The following PPHLN1 variants were observed in gnomAD, a reference collection of about 807,000 sequenced individuals.
PPHLN1 encodes periphilin 1, also known as periphilin-1.
Under a neutral mutation model 51.3 loss-of-function variants are expected in PPHLN1, and 29 were observed. The ratio of observed to expected loss-of-function variants is 0.57; its 90% CI spans 0.42 to 0.77. The LOEUF (loss-of-function observed/expected upper bound fraction) is 0.77. PPHLN1 is among the 30% of genes least tolerant of loss of function. The probability of loss-of-function intolerance (pLI) is 0.00; values close to 1 mark genes in which losing one functional copy is unlikely to be tolerated. For synonymous variants in PPHLN1, 147 were observed against 147.8 expected, an observed-to-expected ratio of 0.99 and a Z score of 0.04; for missense variants, 436 against 438.4, an observed-to-expected ratio of 0.99 and a Z score of 0.05.
rs141040928 is a variant in PPHLN1 at position 42,384,969 on chromosome 12, C to T, written c.541C>T (p.Arg181Trp). The T allele has an allele frequency of 3.1e-4, 502 of 1,612,350 alleles. 1 individual carries two copies. In the African/African-American group the frequency reaches 5.6e-3, roughly 18 times the overall value. ...CGTGCGTCCTGGTGCCTCCTACAAA[C>T]GGCAGAATGAAGGAAATCCTGAAAG... ...KSVRPGASYK[R>W]QNEGNPERDK... Residue 181 changes from arginine (R) to tryptophan (W), a missense_variant, in exon 6 of 10, where the codon CGG becomes TGG. By Grantham distance (101) the Arg-to-Trp change is moderately radical. Transcript: ENST00000358314.
At chr12:42,442,737 A>G (rs147250698), downstream of PPHLN1, 39 of 1,613,214 alleles carry the variant, frequency 2.4e-5, no homozygotes, top group African/African-American at 3.2e-4. Flanking sequence ...GAGACTGCGC[A>G]GTCAGTAAGT....
intron 4 of PPHLN1, among the ~76,000 whole-genome samples, chr12:42,364,634 TA>T (rs1352212622): frequency 6.6e-6 from 1 of 151,794 alleles, no homozygotes; most frequent in African/African-American, 2.4e-5. Context: ...AAAAAATTTT[TA>T]AAAAGGCCAG....
At chr12:42,427,781 C>CT (rs1421064359) in intron 9 of PPHLN1, among the ~76,000 whole-genome samples, 1 of 152,118 alleles carries the variant, frequency 6.6e-6, no homozygotes, top group Non-Finnish European at 1.5e-5. Context: ...AACTAAAGAG[C>CT]TTTTACACAG....
chr12:42,435,175 C>G (rs1030385487), intron 9 of PPHLN1, among the ~76,000 whole-genome samples: 3 of 152,092 alleles, frequency 2.0e-5, no homozygotes, highest in African/African-American at 7.2e-5. Flanking sequence ...AAGGATTAAT[C>G]TTTGGTTGAA....
chr12:42,443,063 G>T, downstream of PPHLN1: 21 of 216,656 alleles, frequency 9.7e-5, no homozygotes, highest in South Asian at 5.3e-4. Context: ...CCTTAGTTAA[G>T]GCTACTTTGG....
intron 4 of PPHLN1, 49 bp downstream of exon 4, chr12:42,355,271 G>A (rs1046571284): frequency 5.4e-6 from 8 of 1,477,206 alleles, no homozygotes; most frequent in East Asian, 2.3e-5. Flanking sequence ...TTGACTCACT[G>A]TGATGTCTGC....
At chr12:42,415,565 A>G (rs2080301433) in intron 9 of PPHLN1, among the ~76,000 whole-genome samples, 2 of 152,086 alleles carry the variant, frequency 1.3e-5, no homozygotes, top group Admixed American at 1.3e-4. Flanking sequence ...CTCAGATCCA[A>G]CTCACTCTTA....
intron 9 of PPHLN1, among the ~76,000 whole-genome samples, chr12:42,410,237 G>A (rs953645918): frequency 1.3e-5 from 2 of 151,756 alleles, no homozygotes; most frequent in Non-Finnish European, 2.9e-5. Context: ...AGGACCCCAT[G>A]TAAAGCAAAA....
At chr12:42,412,397 T>A (rs985910210) in intron 9 of PPHLN1, among the ~76,000 whole-genome samples, 11 of 151,474 alleles carry the variant, frequency 7.3e-5, no homozygotes, top group South Asian at 2.1e-4. Context: ...TCCAGCTCTA[T>A]CAGAATTGCT....
intron 2 of PPHLN1, among the ~76,000 whole-genome samples, chr12:42,349,698 A>G (rs1314396284): frequency 5.9e-5 from 9 of 151,862 alleles, no homozygotes; most frequent in Non-Finnish European, 1.3e-4. Context: ...GACACAGCAC[A>G]TGTTTCAGAG....
chr12:42,372,690 AG>A (rs1484688795), intron 4 of PPHLN1, among the ~76,000 whole-genome samples: 2 of 152,056 alleles, frequency 1.3e-5, no homozygotes, highest in African/African-American at 4.8e-5. Context: ...CCAGGCTTTA[AG>A]TACTGCCTAT....
intron 1 of PPHLN1, among the ~76,000 whole-genome samples, chr12:42,326,522 T>A (rs932071186): frequency 6.6e-6 from 1 of 152,184 alleles, no homozygotes; most frequent in Non-Finnish European, 1.5e-5. Flanking sequence ...GTAATTTTAC[T>A]GAAGGTGTTC....
At chr12:42,383,979 G>C (rs1262401287) in intron 5 of PPHLN1, among the ~76,000 whole-genome samples, 1 of 64,962 alleles carries the variant, frequency 1.5e-5, no homozygotes, top group African/African-American at 5.4e-5. Flanking sequence ...GTGAGACTGT[G>C]TCTCAAAAAA....
intron 4 of PPHLN1, among the ~76,000 whole-genome samples, chr12:42,367,746 G>A (rs1305175944): frequency 1.3e-5 from 2 of 152,042 alleles, no homozygotes; most frequent in East Asian, 3.9e-4. Flanking sequence ...TTATTATTAA[G>A]TTTTTGAAAC....
intron 9 of PPHLN1, among the ~76,000 whole-genome samples, chr12:42,401,675 G>A (rs1323848317): frequency 6.6e-6 from 1 of 152,116 alleles, no homozygotes; most frequent in African/African-American, 2.4e-5. Context: ...GGAAAAAATT[G>A]TCTTCCTCAA....
chr12:42,392,520 A>G (rs1024871315), intron 7 of PPHLN1, among the ~76,000 whole-genome samples: 7 of 152,164 alleles, frequency 4.6e-5, no homozygotes, highest in Non-Finnish European at 8.8e-5. Context: ...TTAAGAAGAG[A>G]TGGTTATGCA....
intron 4 of PPHLN1, among the ~76,000 whole-genome samples, chr12:42,365,464 CG>C (rs1178607602): frequency 6.6e-6 from 1 of 152,112 alleles, no homozygotes; most frequent in Non-Finnish European, 1.5e-5. Context: ...TACTCATAAC[CG>C]GTGAACATAT....
intron 1 of PPHLN1, among the ~76,000 whole-genome samples, chr12:42,330,746 GT>G (rs2069593538): frequency 6.6e-6 from 1 of 152,146 alleles, no homozygotes; most frequent in African/African-American, 2.4e-5. Flanking sequence ...GTCTCGCTCT[GT>G]CACCCAGGCT....
intron 8 of PPHLN1, among the ~76,000 whole-genome samples, chr12:42,394,336 A>G (rs1278839601): frequency 6.6e-6 from 1 of 152,158 alleles, no homozygotes; most frequent in African/African-American, 2.4e-5. Context: ...AGGATTTGAT[A>G]CTATAGGAAT....
Sources: gnomAD v4.1 joint callset for allele counts (sites outside exome capture counted in the v4.1 genomes callset) on GRCh38, gnomAD v4.1.1 for gene constraint, MANE v1.5 for transcripts, NCBI Gene and HGNC (gene_info 2026-07-23, HGNC 2026-07-21) for gene names.